Variants in SH3KBP1 observed in about 807,000 individuals in gnomAD.
The protein encoded by SH3KBP1 is SH3 domain-containing kinase-binding protein 1.
SH3KBP1 carries 8 observed loss-of-function variants against 50.1 expected under a neutral mutation model. The ratio of observed to expected loss-of-function variants is 0.16; its 90% CI spans 0.09 to 0.29. SH3KBP1 has a LOEUF of 0.29. Ranked by LOEUF, SH3KBP1 falls within the 10% of genes least tolerant of loss-of-function variation. The probability of loss-of-function intolerance (pLI) is 1.00; values close to 1 mark genes in which losing one functional copy is unlikely to be tolerated. For missense variants in SH3KBP1, 377 were observed against 535.2 expected (o/e 0.70, Z 2.92); for synonymous variants, 227 against 218.6 (o/e 1.04, Z -0.34).
At chrX:19,607,094 C>A (rs750994638) in intron 9 of SH3KBP1, among the ~76,000 whole-genome samples, 7 of 112,550 alleles carry the variant, frequency 6.2e-5, no homozygotes, top group Non-Finnish European at 9.4e-5. Context: ...TCCTTGGCAA[C>A]GAAGCCACCA....
intron 4 of SH3KBP1, among the ~76,000 whole-genome samples, chrX:19,703,300 T>C (rs1173904600): frequency 5.5e-5 from 6 of 109,532 alleles, no homozygotes; most frequent in African/African-American, 1.7e-4. Flanking sequence ...TGAGGAGGGA[T>C]AAAGGTAATG....
chrX:19,787,132 A>C (rs1343711219), intron 2 of SH3KBP1, among the ~76,000 whole-genome samples: 1 of 111,566 alleles, frequency 9.0e-6, no homozygotes, highest in Non-Finnish European at 1.9e-5. Flanking sequence ...AAGCCTAACT[A>C]AGTTCCTCAG....
rs1196152462 is a variant in SH3KBP1 at position 19,639,690 on chromosome X, C to CA, written c.802+5709dup. Among the ~76,000 whole-genome samples, 13 of 110,252 alleles carry CA rather than the reference C, an allele frequency of 1.2e-4. No individual in the cohort carries two copies. The East Asian group carries it at 3.4e-3, about 29-fold the overall frequency. ...AGGTGGGTACCCCTGGGACATCAAG[C>CA]ATGAGGGGCTTCAGTACATGACAGG... is the stretch of plus-strand genomic sequence containing the variant. On this transcript the variant is annotated intron_variant, in intron 7 of 17. Transcript: ENST00000397821.
chrX:19,555,504 C>T (rs1436197563), intron 13 of SH3KBP1, among the ~76,000 whole-genome samples: 1 of 112,255 alleles, frequency 8.9e-6, no homozygotes, highest in African/African-American at 3.2e-5. Flanking sequence ...CTAGCTGTCA[C>T]CAGCAGAGTT....
intron 6 of SH3KBP1, among the ~76,000 whole-genome samples, chrX:19,679,842 G>A (rs967042636): frequency 8.9e-6 from 1 of 111,900 alleles, no homozygotes; most frequent in Non-Finnish European, 1.9e-5. Flanking sequence ...CAAATCATTC[G>A]GAGACATATC....
Position 19,534,952 on chromosome X carries a change from T to C in SH3KBP1, c.*1465A>G. On this transcript the variant is annotated 3_prime_UTR_variant, in exon 18 of 18. Transcript: ENST00000397821. ...CTTCTTCGGTATTATCAACTCTCAT[T>C]CTTTGTGGCTGTGCAAATCTATTAA... is the stretch of plus-strand genomic sequence containing the variant. 3.4e-6 allele frequency: 1 copy of C among 297,752 alleles called. No individual in the cohort carries two copies. Among genetic ancestry groups the C allele is most frequent in the Non-Finnish European group, 5.9e-6 (1 of 170,418 alleles). 24.5% of individuals were successfully genotyped at this position (297,752 alleles called of 1,213,427 possible).
chrX:19,687,710 A>G (rs2063197608), intron 5 of SH3KBP1: 2 of 1,123,256 alleles, frequency 1.8e-6, no homozygotes, highest in East Asian at 3.0e-5. Context: ...GAATGAGAGA[A>G]GAGAAGGGGA....
intron 1 of SH3KBP1, among the ~76,000 whole-genome samples, chrX:19,854,575 C>T (rs2068597019): frequency 8.9e-6 from 1 of 111,782 alleles, no homozygotes; most frequent in Admixed American, 9.5e-5. Flanking sequence ...ATGAGTGTTG[C>T]CTTTGAAAGA....
intron 1 of SH3KBP1, among the ~76,000 whole-genome samples, chrX:19,885,640 A>T (rs2069566378): frequency 9.0e-6 from 1 of 110,548 alleles, no homozygotes; most frequent in Non-Finnish European, 1.9e-5. Context: ...GGGAGAAGAC[A>T]TTTGGATTAA....
At chrX:19,668,988 G>A (rs2062710556) in intron 6 of SH3KBP1, among the ~76,000 whole-genome samples, 1 of 65,266 alleles carries the variant, frequency 1.5e-5, no homozygotes, top group African/African-American at 5.1e-5. Flanking sequence ...TTTGAGACAG[G>A]CTGTCACTCT....
At chrX:19,730,147 CT>C (rs746170939) in intron 3 of SH3KBP1, among the ~76,000 whole-genome samples, 2 of 110,676 alleles carry the variant, frequency 1.8e-5, no homozygotes, top group Non-Finnish European at 1.9e-5. Context: ...TGCTTTAAAG[CT>C]TTTTTTTAAA....
intron 2 of SH3KBP1, among the ~76,000 whole-genome samples, chrX:19,753,475 A>G (rs147416570): frequency 0.015 from 1,677 of 111,486 alleles, 27 homozygotes; most frequent in African/African-American, 0.051. Flanking sequence ...CCCAACATGC[A>G]TATCTCTCCC....
intron 2 of SH3KBP1, among the ~76,000 whole-genome samples, chrX:19,772,131 A>G (rs1447963045): frequency 8.9e-6 from 1 of 111,835 alleles, no homozygotes; most frequent in Non-Finnish European, 1.9e-5. Flanking sequence ...AAGGAAATTC[A>G]TGACATTTGC....
chrX:19,743,053 C>G (rs944774933), intron 3 of SH3KBP1, among the ~76,000 whole-genome samples: 2 of 111,874 alleles, frequency 1.8e-5, no homozygotes, highest in African/African-American at 6.5e-5. Context: ...TAGCCAGTGG[C>G]TGCCAAGTCA....
At chrX:19,876,993 T>C (rs991647759) in intron 1 of SH3KBP1, among the ~76,000 whole-genome samples, 2 of 111,364 alleles carry the variant, frequency 1.8e-5, no homozygotes, top group Non-Finnish European at 3.8e-5. Flanking sequence ...ATTACTTTCA[T>C]TTGTTTCCTG....
chrX:19,883,134 A>G (rs2069488261), intron 1 of SH3KBP1, among the ~76,000 whole-genome samples: 1 of 112,099 alleles, frequency 8.9e-6, no homozygotes, highest in African/African-American at 3.2e-5. Context: ...AACCACCTGG[A>G]GGACTCATGA....
intron 1 of SH3KBP1, among the ~76,000 whole-genome samples, chrX:19,839,103 A>G (rs1268474906): frequency 9.1e-6 from 1 of 109,294 alleles, no homozygotes; most frequent in Non-Finnish European, 1.9e-5. Context: ...GTGTGGAACC[A>G]TCAGGATTAG....
chrX:19,730,210 A>C (rs1002329339), intron 3 of SH3KBP1, among the ~76,000 whole-genome samples: 2 of 111,768 alleles, frequency 1.8e-5, no homozygotes, highest in Non-Finnish European at 3.8e-5. Flanking sequence ...ACAATATTTA[A>C]AAAAAATAAC....
At chrX:19,586,993 C>T (rs2066587069) in intron 12 of SH3KBP1, among the ~76,000 whole-genome samples, 1 of 110,936 alleles carries the variant, frequency 9.0e-6, no homozygotes, top group East Asian at 2.8e-4. Flanking sequence ...AGGCCCGAGG[C>T]GGGTGAATCA....
Sources: gnomAD v4.1 joint callset for allele counts (sites outside exome capture counted in the v4.1 genomes callset) on GRCh38, gnomAD v4.1.1 for gene constraint, MANE v1.5 for transcripts, NCBI Gene and HGNC (gene_info 2026-07-23, HGNC 2026-07-21) for gene names.